CRTAC1: variants seen among roughly 807,000 people sequenced by gnomAD.
The protein encoded by CRTAC1 is acidic secreted protein in cartilage.
Under a neutral mutation model 67.8 loss-of-function variants are expected in CRTAC1, and 37 were observed. The ratio of observed to expected loss-of-function variants is 0.55; its 90% CI spans 0.42 to 0.72. CRTAC1 has a LOEUF of 0.72. CRTAC1 is among the 30% of genes least tolerant of loss of function. The pLI is 0.00. For synonymous variants in CRTAC1, 348 were observed against 371.0 expected (o/e 0.94, Z 0.71); for missense variants, 780 against 931.6 (o/e 0.84, Z 2.12).
At chr10:97,890,670 C>CTT in intron 11 of CRTAC1, among the ~76,000 whole-genome samples, 1 of 143,566 alleles carries the variant, frequency 7.0e-6, no homozygotes, top group African/African-American at 2.5e-5. Flanking sequence ...TCTTTTCTTT[C>CTT]TTTTTTTTTT....
At chr10:97,998,084 C>T (rs1388814966) in intron 2 of CRTAC1, among the ~76,000 whole-genome samples, 3 of 152,194 alleles carry the variant, frequency 2.0e-5, no homozygotes, top group Non-Finnish European at 4.4e-5. Flanking sequence ...GATCTTCCCA[C>T]ATCAGCCTCC....
chr10:97,911,901 T>A (rs1315408086), intron 5 of CRTAC1, among the ~76,000 whole-genome samples: 1 of 152,204 alleles, frequency 6.6e-6, no homozygotes, highest in African/African-American at 2.4e-5. Context: ...TGGAGAATGA[T>A]GTTCTAACAG....
At chr10:97,973,587 A>T (rs2051749774) in intron 2 of CRTAC1, among the ~76,000 whole-genome samples, 1 of 152,100 alleles carries the variant, frequency 6.6e-6, no homozygotes, top group African/African-American at 2.4e-5. Flanking sequence ...TTTCTCCTAG[A>T]GCCCCACCAC....
chr10:97,989,505 C>T (rs563289909), intron 2 of CRTAC1, among the ~76,000 whole-genome samples: 3 of 152,296 alleles, frequency 2.0e-5, no homozygotes, highest in East Asian at 3.9e-4. Context: ...GTACTGAATA[C>T]TGTAGGTAAT....
chr10:97,928,716 G>A (rs1165994787), intron 3 of CRTAC1, among the ~76,000 whole-genome samples: 2 of 152,166 alleles, frequency 1.3e-5, no homozygotes, highest in African/African-American at 4.8e-5. Context: ...AACTGGGACT[G>A]GAAGGGTCAG....
intron 11 of CRTAC1, among the ~76,000 whole-genome samples, chr10:97,886,376 C>T (rs766839981): frequency 2.6e-5 from 4 of 152,258 alleles, no homozygotes; most frequent in Admixed American, 1.3e-4. Context: ...GGAGAGGCAG[C>T]CGCTGCCCTC....
At position 97,895,863 on chromosome 10, in the gene CRTAC1, G is replaced by C; in HGVS notation, c.1317+22C>G. The C allele has an allele frequency of 6.3e-7, 1 of 1,592,792 alleles. No individual in the cohort carries two copies. Among genetic ancestry groups the C allele is most frequent in the Non-Finnish European group, 8.6e-7 (1 of 1,161,354 alleles). On this transcript the variant is annotated intron_variant, in intron 10 of 14. Transcript: ENST00000370597. The surrounding 1 kb of genome is among the most constrained non-coding windows in gnomAD (Gnocchi z 4.2). ...GAGAGCACACAGGGCTGGGATCTGT[G>C]GCTCCTGAGGTCTTAGCGCACCTGA... is the stretch of plus-strand genomic sequence containing the variant.
At chr10:98,008,532 G>A (rs1842842865) in intron 2 of CRTAC1, among the ~76,000 whole-genome samples, 1 of 152,120 alleles carries the variant, frequency 6.6e-6, no homozygotes, top group Non-Finnish European at 1.5e-5. Context: ...GCAGGGGCTG[G>A]GGGAGGAGTG....
At chr10:97,918,315 GC>G (rs2050787889) in intron 4 of CRTAC1, among the ~76,000 whole-genome samples, 3 of 152,156 alleles carry the variant, frequency 2.0e-5, no homozygotes, top group Admixed American at 2.0e-4. Context: ...TCCAGGAGCA[GC>G]CCTGGGCACC....
At chr10:97,919,072 G>T (rs1291990461) in intron 4 of CRTAC1, among the ~76,000 whole-genome samples, 1 of 152,024 alleles carries the variant, frequency 6.6e-6, no homozygotes. Flanking sequence ...GGAATTACAG[G>T]TGTGAGCCAC....
intron 2 of CRTAC1, among the ~76,000 whole-genome samples, chr10:97,992,779 A>G (rs1251491497): frequency 6.6e-6 from 1 of 152,226 alleles, no homozygotes; most frequent in African/African-American, 2.4e-5. Context: ...GATAGTTATC[A>G]GGGGCTAGGA....
chr10:97,983,938 A>G (rs577006955), intron 2 of CRTAC1, among the ~76,000 whole-genome samples: 3 of 152,368 alleles, frequency 2.0e-5, no homozygotes, highest in African/African-American at 7.2e-5. Context: ...AATCTAAAAG[A>G]AAGTTAAGAA....
intron 2 of CRTAC1, among the ~76,000 whole-genome samples, chr10:97,936,827 A>C (rs992732193): frequency 6.6e-6 from 1 of 152,230 alleles, no homozygotes; most frequent in Non-Finnish European, 1.5e-5. Flanking sequence ...GAGGTTTATC[A>C]GGGAAACTGA....
chr10:97,943,072 CA>C (rs371122511), intron 2 of CRTAC1, among the ~76,000 whole-genome samples: 54 of 134,952 alleles, frequency 4.0e-4, no homozygotes, highest in Non-Finnish European at 4.0e-4. Context: ...ACCCTGTCTT[CA>C]AAAAAAAAAA....
rs79217937 is a variant in CRTAC1 at position 97,989,234 on chromosome 10, G to A, written c.224+21904C>T. ...TTCTCAGCCTCCATAATCACATGCC[G>A]ATTCCTCATAATAAATAAATCAATC... is the stretch of plus-strand genomic sequence containing the variant. On this transcript the variant is annotated intron_variant, in intron 2 of 14. Coordinates refer to ENST00000370597, the MANE Select transcript of CRTAC1 (RefSeq NM_018058.7). Among the ~76,000 whole-genome samples the A allele has an allele frequency of 8.0e-3, 1,218 of 152,096 alleles. 11 individuals carry two copies. The highest frequency in any genetic ancestry group is 0.013 in the Non-Finnish European group (887 of 67,990).
intron 2 of CRTAC1, among the ~76,000 whole-genome samples, chr10:97,954,935 A>T (rs1427856921): frequency 2.0e-5 from 3 of 152,136 alleles, no homozygotes; most frequent in African/African-American, 7.2e-5. Context: ...CATACAAGGT[A>T]CTGTTCACAG....
chr10:97,988,270 G>C (rs1444651499), intron 2 of CRTAC1, among the ~76,000 whole-genome samples: 1 of 152,070 alleles, frequency 6.6e-6, no homozygotes, highest in Non-Finnish European at 1.5e-5. Context: ...GGGTGGGGAG[G>C]GGTGGGTAGC....
intron 2 of CRTAC1, among the ~76,000 whole-genome samples, chr10:97,947,191 C>A (rs886872410): frequency 5.3e-5 from 8 of 152,178 alleles, no homozygotes; most frequent in Non-Finnish European, 1.0e-4. Context: ...TGACTTCATT[C>A]CACCCTTCTG....
In CRTAC1 at chr10:97,926,497, T is replaced by A. The variant is rs193129988; in HGVS notation, c.422-3097A>T. On this transcript the variant is annotated intron_variant, in intron 3 of 14. Coordinates refer to ENST00000370597, the MANE Select transcript of CRTAC1 (RefSeq NM_018058.7). ...TCAAATGTGTTCAGGAATTTGCATA[T>A]TTTTCCTTCAGACTTTGGAAAGGTA... Among the ~76,000 whole-genome samples the A allele has an allele frequency of 1.3e-3, 202 of 152,174 alleles. 1 individual carries two copies. The highest frequency in any genetic ancestry group is 4.6e-3 in the African/African-American group (191 of 41,538).
Sources: gnomAD v4.1 joint callset for allele counts (sites outside exome capture counted in the v4.1 genomes callset) on GRCh38, gnomAD v4.1.1 for gene constraint, Gnocchi (gnomAD v3.1) non-coding constraint, MANE v1.5 for transcripts, NCBI Gene and HGNC (gene_info 2026-07-23, HGNC 2026-07-21) for gene names.